SMARCA4: variants seen among roughly 807,000 people sequenced by gnomAD.
The protein encoded by SMARCA4 is SWI/SNF-related matrix-associated actin-dependent regulator of chromatin subfamily A member 4.
Under a neutral mutation model 193.9 loss-of-function variants are expected in SMARCA4, and 31 were observed. That is an observed-to-expected ratio of 0.16 (90% confidence interval 0.12 to 0.22). The LOEUF (loss-of-function observed/expected upper bound fraction) is 0.22, where lower values mean the gene tolerates loss of function less well. SMARCA4 is among the 10% of genes least tolerant of loss of function. SMARCA4 has a pLI of 1.00. For missense variants in SMARCA4, 1,148 were observed against 2,296.0 expected, an observed-to-expected ratio of 0.50 and a Z score of 10.22; for synonymous variants, 942 against 933.1, an observed-to-expected ratio of 1.01 and a Z score of -0.17.
At chr19:11,012,905 C>G in intron 15 of SMARCA4, 44 bp from the exon 16 acceptor site, 1 of 1,606,946 alleles carries the variant, frequency 6.2e-7, no homozygotes, top group Non-Finnish European at 8.5e-7. Flanking sequence ...CTCTGGTGTC[C>G]GACCCGGCCT....
chr19:10,979,254 A>G (rs529439588), intron 1 of SMARCA4, among the ~76,000 whole-genome samples: 1 of 152,174 alleles, frequency 6.6e-6, no homozygotes, highest in South Asian at 2.1e-4. Flanking sequence ...ATTCTTGGAC[A>G]CCCAAGAAGA....
At chr19:10,961,657 C>T (rs1484390232) in intron 1 of SMARCA4, 1 of 152,178 alleles carries the variant, frequency 6.6e-6, no homozygotes, top group Admixed American at 6.6e-5. Flanking sequence ...CGGACACGGG[C>T]ATTAGCGGTC....
Position 11,058,128 on chromosome 19 carries a change from G to T in SMARCA4, c.4425-127G>T. ...TCTCAAAAAAAAAAAAAGCGCATGT[G>T]CAAGAAATAGCTCCTGAGCTGAGTT... On this transcript the variant is annotated intron_variant, in intron 30 of 34. Transcript: ENST00000344626. This position sits in a 1 kb window ranked among gnomAD's most constrained non-coding sequence, Gnocchi z 5.8. 1 of 672,414 alleles carries T rather than the reference G, an allele frequency of 1.5e-6. No individual in the cohort carries two copies. Among genetic ancestry groups the T allele is most frequent in the Non-Finnish European group, 2.6e-6 (1 of 377,814 alleles). The allele number at this position is 672,414 out of a possible 1,614,324, so 41.7% of individuals were successfully genotyped here. A position where few individuals can be genotyped will look rare whatever the true frequency, so the allele number is the denominator to read the frequency against.
At chr19:11,025,314 C>G (rs1004552895) in intron 21 of SMARCA4, 108 bp from the exon 22 acceptor site, 4 of 759,436 alleles carry the variant, frequency 5.3e-6, no homozygotes, top group Non-Finnish European at 9.4e-6. Context: ...CCACTCTTCC[C>G]CACTAGAGCG....
chr19:11,009,496 C>CT (rs1485289837), intron 14 of SMARCA4, among the ~76,000 whole-genome samples: 3 of 152,058 alleles, frequency 2.0e-5, no homozygotes, highest in Non-Finnish European at 4.4e-5. Flanking sequence ...TGCAGAGTGT[C>CT]TTTCTGTGCT....
chr19:10,986,791 GCTGGTTAATAGGTGTATCTGCTGTGTCCC>G lies in SMARCA4; in HGVS notation c.761-109_761-81del. ...CCAGCTCCCCGCTTCCCCTGGGGCC[GCTGGTTAATAGGTGTATCTGCTGTGTCCC>G]CTGGAGCCAGGGCTGCCCACGGGGC... On this transcript the variant is annotated intron_variant, in intron 4 of 34. Transcript: ENST00000344626. This position sits in a 1 kb window ranked among gnomAD's most constrained non-coding sequence, Gnocchi z 6.7. 8.1e-7 allele frequency: 1 copy of G among 1,232,302 alleles called. No individual in the cohort carries two copies. Among genetic ancestry groups the G allele is most frequent in the South Asian group, 1.2e-5 (1 of 81,562 alleles). The allele number at this position is 1,232,302 out of a possible 1,614,324, so 76.3% of individuals were successfully genotyped here.
chr19:10,987,785 C>A lies in SMARCA4; in HGVS notation c.979C>A (p.Pro327Thr), dbSNP rs770946823. Residue 327 changes from proline to threonine, a missense_variant, in exon 6 of 35, where the codon CCA (proline) becomes ACA (threonine). Physicochemically the swap from Pro to Thr is conservative, Grantham distance 38. Transcript: ENST00000344626. The surrounding 1 kb of genome is among the most constrained non-coding windows in gnomAD (Gnocchi z 5.3). Reference sequence around the variant, plus strand: ...CCCACCCGCCGCCTCGCCCGTGATGCCACCGCAGACCCAGTCCCCCGGGCA... The same window carrying A: ...CCCACCCGCCGCCTCGCCCGTGATGACACCGCAGACCCAGTCCCCCGGGCA... ...AVPPAASPVM[P>T]PQTQSPGQPA... The A allele has an allele frequency of 9.4e-6, 15 of 1,600,088 alleles. No homozygotes were observed. The highest frequency in any genetic ancestry group is 1.7e-4 in the Middle Eastern group (1 of 5,954).
chr19:11,038,888 T>C (rs757755869), intron 29 of SMARCA4, among the ~76,000 whole-genome samples: 16 of 152,196 alleles, frequency 1.1e-4, no homozygotes, highest in Non-Finnish European at 1.9e-4. Flanking sequence ...TCTTAAACAA[T>C]GTCAGTTGTC....
intron 13 of SMARCA4, among the ~76,000 whole-genome samples, chr19:11,006,489 G>A (rs997331895): frequency 6.6e-6 from 1 of 152,146 alleles, no homozygotes; most frequent in Non-Finnish European, 1.5e-5. Context: ...GGTGTCTCAC[G>A]CCTGTAATCC....
chr19:11,008,210 A>G lies in SMARCA4; in HGVS notation c.2123+187A>G, dbSNP rs903861236. The G allele has an allele frequency of 5.3e-5, 32 of 609,444 alleles. 1 individual carries two copies. The highest frequency in any genetic ancestry group is 4.2e-4 in the South Asian group (27 of 63,632). The allele number at this position is 609,444 out of a possible 1,614,324, so 37.8% of individuals were successfully genotyped here. A position where few individuals can be genotyped will look rare whatever the true frequency, so the allele number is the denominator to read the frequency against. ...TATTTTATAGGGATTTAATAGAGCA[A>G]TTGCATTCGCATGGTTCACCATATG... On this transcript the variant is annotated intron_variant, in intron 14 of 34. Transcript: ENST00000344626.
At position 11,061,960 on chromosome 19, in the gene SMARCA4, C is replaced by CTTCTCTGCTGTATAA; in HGVS notation, c.*144_*145insTTCTCTGCTGTATAA. The CTTCTCTGCTGTATAA allele has an allele frequency of 1.3e-6, 1 of 797,866 alleles. No individual in the cohort carries two copies. The highest frequency in any genetic ancestry group is 2.1e-6 in the Non-Finnish European group (1 of 466,240). The allele number at this position is 797,866 out of a possible 1,614,324, so 49.4% of individuals were successfully genotyped here. A position where few individuals can be genotyped will look rare whatever the true frequency, so the allele number is the denominator to read the frequency against. ...AAAAGAATCTTCCATATTTATACAG[C>CTTCTCTGCTGTATAA]AGAGAAGCTGTAGGACTGTTTGTGA... On this transcript the variant is annotated 3_prime_UTR_variant, in exon 35 of 35. Coordinates refer to ENST00000344626, the MANE Select transcript of SMARCA4 (RefSeq NM_003072.5).
intron 29 of SMARCA4, among the ~76,000 whole-genome samples, chr19:11,037,819 A>C (rs1445774526): frequency 6.6e-6 from 1 of 152,198 alleles, no homozygotes; most frequent in Admixed American, 6.5e-5. Flanking sequence ...GATGTGAGGT[A>C]GGGGTCCATC....
chr19:11,048,436 C>CT (rs1441971588), intron 30 of SMARCA4, among the ~76,000 whole-genome samples: 2 of 152,196 alleles, frequency 1.3e-5, no homozygotes, highest in African/African-American at 2.4e-5. Context: ...CCAGAACCCT[C>CT]TAAGTAGTTC....
intron 15 of SMARCA4, chr19:11,011,119 C>G (rs771151495): frequency 1.4e-4 from 25 of 182,296 alleles, no homozygotes; most frequent in Non-Finnish European, 2.4e-4. Context: ...TGCTCATGCT[C>G]TTAATGCGGC....
chr19:10,971,955 ATTT>A (rs539620346), intron 1 of SMARCA4, among the ~76,000 whole-genome samples: 4 of 125,168 alleles, frequency 3.2e-5, no homozygotes, highest in Admixed American at 8.0e-5. Flanking sequence ...CGCTTGGCTA[ATTT>A]TTTTTTTTTT....
At chr19:11,008,244 G>T (rs1350639655) in intron 14 of SMARCA4, 1 of 493,746 alleles carries the variant, frequency 2.0e-6, no homozygotes, top group East Asian at 4.4e-5. Flanking sequence ...TGCTTACGAG[G>T]TACAGTCAGG....
chr19:11,048,621 C>T (rs766159325), intron 30 of SMARCA4, among the ~76,000 whole-genome samples: 5 of 152,176 alleles, frequency 3.3e-5, no homozygotes, highest in Non-Finnish European at 5.9e-5. Flanking sequence ...CCACATGGTC[C>T]GTCTAGGTGG....
At chr19:11,012,674 G>A (rs776296330) in intron 15 of SMARCA4, 6 of 475,162 alleles carry the variant, frequency 1.3e-5, no homozygotes, top group Non-Finnish European at 2.4e-5. Flanking sequence ...TGTAACAGGT[G>A]GGAGTGAGCT....
At chr19:11,045,432 C>G (rs1182439836) in intron 30 of SMARCA4, among the ~76,000 whole-genome samples, 1 of 152,124 alleles carries the variant, frequency 6.6e-6, no homozygotes, top group African/African-American at 2.4e-5. Flanking sequence ...GCAGGAAAGC[C>G]ACACGACGAG....
Sources: gnomAD v4.1 joint callset for allele counts (sites outside exome capture counted in the v4.1 genomes callset) on GRCh38, gnomAD v4.1.1 for gene constraint, Gnocchi (gnomAD v3.1) non-coding constraint, MANE v1.5 for transcripts, NCBI Gene and HGNC (gene_info 2026-07-23, HGNC 2026-07-21) for gene names.